Variants in MRAS observed in about 807,000 individuals in gnomAD.
The protein encoded by MRAS is ras-related protein M-Ras.
A neutral mutation model predicts 20.9 loss-of-function variants in MRAS; 4 were observed. The ratio of observed to expected loss-of-function variants is 0.19; its 90% CI spans 0.09 to 0.44. MRAS has a LOEUF of 0.44. Among genes scored for constraint, MRAS ranks in the 20% least tolerant of loss-of-function variants. The probability of loss-of-function intolerance (pLI) is 0.99; values close to 1 mark genes in which losing one functional copy is unlikely to be tolerated. For missense variants in MRAS, 154 were observed against 277.5 expected, an observed-to-expected ratio of 0.56 and a Z score of 3.16; for synonymous variants, 98 against 102.9, an observed-to-expected ratio of 0.95 and a Z score of 0.29.
chr3:138,402,228 C>T lies in MRAS; in HGVS notation c.586C>T (p.Arg196Trp), dbSNP rs766893123. 4.3e-6 allele frequency: 7 copies of T among 1,614,112 alleles called. No homozygotes were observed. Among genetic ancestry groups the T allele is most frequent in the Non-Finnish European group, 5.9e-6 (7 of 1,180,048 alleles). ...KKKKTKWRGD[R>W]ATGTHKLQCV... The stretch of plus-strand genomic sequence containing the variant: ...GAAGAAAACCAAATGGCGGGGAGAC[C>T]GGGCCACAGGCACCCACAAACTGCA... Residue 196 changes from arginine to tryptophan, a missense_variant, in exon 6 of 6, where the codon CGG (arginine) becomes TGG (tryptophan). By Grantham distance (101) the Arg-to-Trp change is moderately radical. Transcript: ENST00000423968.
At chr3:138,388,759 G>A (rs1358495658) in intron 2 of MRAS, among the ~76,000 whole-genome samples, 4 of 152,096 alleles carry the variant, frequency 2.6e-5, no homozygotes, top group African/African-American at 9.7e-5. Flanking sequence ...GCCCTTAGAG[G>A]CATATTATCT....
intron 2 of MRAS, among the ~76,000 whole-genome samples, chr3:138,389,537 G>A (rs949723945): frequency 4.7e-5 from 7 of 149,014 alleles, no homozygotes; most frequent in Non-Finnish European, 8.9e-5. Context: ...TGGAAGTCAC[G>A]GCTTGGGCAA....
At chr3:138,365,158 C>T (rs1238973697) in intron 1 of MRAS, among the ~76,000 whole-genome samples, 1 of 152,216 alleles carries the variant, frequency 6.6e-6, no homozygotes, top group Non-Finnish European at 1.5e-5. Flanking sequence ...TGGGGATAAT[C>T]GGAATCTACC....
At chr3:138,356,189 C>T (rs898761147) in intron 1 of MRAS, among the ~76,000 whole-genome samples, 6 of 152,186 alleles carry the variant, frequency 3.9e-5, no homozygotes, top group African/African-American at 1.4e-4. Flanking sequence ...TAAAAAGAAA[C>T]TACTTGGCAT....
chr3:138,377,619 C>T (rs2108527247), intron 2 of MRAS, among the ~76,000 whole-genome samples: 1 of 152,270 alleles, frequency 6.6e-6, no homozygotes, highest in Middle Eastern at 3.4e-3. Context: ...CCAGGACTTC[C>T]CTGGGCATCT....
chr3:138,393,560 C>T (rs1357860054), intron 2 of MRAS, among the ~76,000 whole-genome samples: 1 of 152,042 alleles, frequency 6.6e-6, no homozygotes, highest in Non-Finnish European at 1.5e-5. Flanking sequence ...ATTTTCAACT[C>T]CCTATTAATT....
chr3:138,354,386 C>T (rs893956055), intron 1 of MRAS, among the ~76,000 whole-genome samples: 2 of 152,258 alleles, frequency 1.3e-5, no homozygotes, highest in African/African-American at 4.8e-5. Context: ...ATCCTTTGCC[C>T]TGGCCAGTTT....
chr3:138,397,859 A>G (rs1576388812), intron 3 of MRAS, among the ~76,000 whole-genome samples: 1 of 152,354 alleles, frequency 6.6e-6, no homozygotes, highest in East Asian at 1.9e-4. Flanking sequence ...TTTTACTCCG[A>G]ATACATGAAT....
intron 1 of MRAS, among the ~76,000 whole-genome samples, chr3:138,360,142 C>G (rs1016490314): frequency 6.6e-6 from 1 of 152,168 alleles, no homozygotes; most frequent in Admixed American, 6.5e-5. Flanking sequence ...CAGCCTCTGC[C>G]GGCACGTGCA....
At chr3:138,393,507 A>G (rs753404514) in intron 2 of MRAS, among the ~76,000 whole-genome samples, 3 of 152,118 alleles carry the variant, frequency 2.0e-5, no homozygotes, top group Non-Finnish European at 1.5e-5. Flanking sequence ...AAGACCTTCA[A>G]TGTCTGAGAT....
intron 2 of MRAS, among the ~76,000 whole-genome samples, chr3:138,386,448 C>CT (rs2055016927): frequency 6.6e-6 from 1 of 152,098 alleles, no homozygotes; most frequent in Admixed American, 6.6e-5. Flanking sequence ...GAATTCCATT[C>CT]TTTTTTATGA....
intron 2 of MRAS, among the ~76,000 whole-genome samples, chr3:138,395,324 A>G (rs1271561307): frequency 1.3e-5 from 2 of 152,138 alleles, no homozygotes; most frequent in East Asian, 3.9e-4. Context: ...TGCATGAGCC[A>G]CCGCGCCTGG....
chr3:138,363,826 C>CG (rs200079054), intron 1 of MRAS, among the ~76,000 whole-genome samples: 6 of 103,532 alleles, frequency 5.8e-5, no homozygotes, highest in African/African-American at 2.3e-4. Context: ...TTTACCCCCC[C>CG]CCCCCCCCAA....
chr3:138,400,381 C>T (rs1212914466), intron 4 of MRAS, 153 bp from the exon 5 acceptor site: 2 of 679,500 alleles, frequency 2.9e-6, no homozygotes, highest in Non-Finnish European at 5.2e-6. Context: ...AGTGAAAAGC[C>T]CTAAATGATG....
At chr3:138,381,499 A>C (rs574010815) in intron 2 of MRAS, among the ~76,000 whole-genome samples, 4 of 152,310 alleles carry the variant, frequency 2.6e-5, no homozygotes, top group Admixed American at 2.0e-4. Context: ...CTCCTCACTT[A>C]CAACAGGGCA....
intron 1 of MRAS, among the ~76,000 whole-genome samples, chr3:138,363,119 CTCCGCCTCCCCAGTTCAAGTGATTCT>C (rs998466777): frequency 3.9e-5 from 6 of 152,042 alleles, no homozygotes; most frequent in South Asian, 4.2e-4. Flanking sequence ...CCACAGCAAC[CTCCGCCTCCCCAGTTCAAGTGATTCT>C]TCCGCCTCCC....
chr3:138,400,653 A>G (rs1264309440), intron 5 of MRAS, 40 bp downstream of exon 5: 4 of 1,537,952 alleles, frequency 2.6e-6, no homozygotes, highest in Middle Eastern at 1.7e-4. Flanking sequence ...CCTCCACAGC[A>G]TGGGTTGGCT....
chr3:138,354,781 T>C (rs1047524482), intron 1 of MRAS, among the ~76,000 whole-genome samples: 2 of 151,872 alleles, frequency 1.3e-5, no homozygotes, highest in Non-Finnish European at 2.9e-5. Flanking sequence ...GATAACAAAA[T>C]GCTTTTTGTT....
At chr3:138,401,506 C>T (rs1005484121) in intron 5 of MRAS, among the ~76,000 whole-genome samples, 4 of 152,168 alleles carry the variant, frequency 2.6e-5, no homozygotes, top group African/African-American at 7.2e-5. Flanking sequence ...CTCATCCAGG[C>T]GTAGTGGCTC....
Sources: gnomAD v4.1 joint callset for allele counts (sites outside exome capture counted in the v4.1 genomes callset) on GRCh38, gnomAD v4.1.1 for gene constraint, MANE v1.5 for transcripts, NCBI Gene and HGNC (gene_info 2026-07-23, HGNC 2026-07-21) for gene names.